Variants in PCLO observed in about 807,000 individuals in gnomAD.
PCLO encodes the protein protein piccolo.
In PCLO, 82 loss-of-function variants were observed where a neutral mutation model predicts 427.5. The ratio of observed to expected loss-of-function variants is 0.19; its 90% confidence interval spans 0.16 to 0.23. The LOEUF is 0.23. Among genes scored for constraint, PCLO ranks in the 10% least tolerant of loss-of-function variants. PCLO has a pLI of 1.00. For synonymous variants in PCLO, 2,357 were observed against 2,155.4 expected, an observed-to-expected ratio of 1.09 and a Z score of -2.59; for missense variants, 6,239 against 6,115.9, an observed-to-expected ratio of 1.02 and a Z score of -0.67.
chr7:82,843,814 G>A lies in PCLO; in HGVS notation c.14046+1457C>T, dbSNP rs572673183. Reference sequence around the variant, plus strand: ...TGAGCAGCTGGGACTACAGGCATGTGCCACCAGACCTGGCTAATTTTTGTA... The same window carrying A: ...TGAGCAGCTGGGACTACAGGCATGTACCACCAGACCTGGCTAATTTTTGTA... On this transcript the variant is annotated intron_variant, in intron 13 of 24. Coordinates refer to ENST00000333891, the MANE Select transcript of PCLO (RefSeq NM_033026.6). Among the ~76,000 whole-genome samples the A allele has an allele frequency of 3.3e-5, 5 of 151,878 alleles. No individual in the cohort carries two copies. In the East Asian group the frequency reaches 9.7e-4, roughly 30 times the overall value.
At chr7:83,068,574 G>T (rs906564962) in intron 3 of PCLO, among the ~76,000 whole-genome samples, 1 of 151,950 alleles carries the variant, frequency 6.6e-6, no homozygotes, top group African/African-American at 2.4e-5. Flanking sequence ...TCAAAATTAC[G>T]AATAAGATAT....
At chr7:83,069,453 T>C (rs1312448216) in intron 3 of PCLO, among the ~76,000 whole-genome samples, 2 of 152,310 alleles carry the variant, frequency 1.3e-5, no homozygotes, top group South Asian at 2.1e-4. Context: ...GTTGTATACC[T>C]TGAATATATT....
At position 83,134,670 on chromosome 7, in the gene PCLO, T is replaced by C. The variant is rs1584070297; in HGVS notation, c.2880A>G (p.Pro960=). The part of the protein sequence containing the change: ...GQPGPHSQSG[P]GAPMKQAPAP... ...CAGGGGCTTGTTTCATTGGGGCCCCTGGTCCACTTTGTGAATGAGGTCCAG... is the reference window on the plus strand; with the variant it reads ...CAGGGGCTTGTTTCATTGGGGCCCCCGGTCCACTTTGTGAATGAGGTCCAG... The change falls in exon 3 of 25, where the codon CCA becomes CCG. Residue 960 remains proline (P), a synonymous_variant. Transcript: ENST00000333891. The C allele has an allele frequency of 6.2e-7, 1 of 1,613,772 alleles. No homozygotes were observed. Among genetic ancestry groups the C allele is most frequent in the African/African-American group, 1.3e-5 (1 of 75,006 alleles).
intron 9 of PCLO, among the ~76,000 whole-genome samples, chr7:82,890,300 T>A (rs1793727536): frequency 6.6e-6 from 1 of 152,036 alleles, no homozygotes; most frequent in Admixed American, 6.6e-5. Flanking sequence ...TTTGTACACG[T>A]AAATATATGT....
chr7:82,792,541 T>G (rs1791125970), intron 22 of PCLO, among the ~76,000 whole-genome samples: 1 of 152,032 alleles, frequency 6.6e-6, no homozygotes, highest in Admixed American at 6.6e-5. Context: ...TTGCCTAGGC[T>G]TCTCTTGAAC....
Position 82,824,352 on chromosome 7 carries a change from T to A in PCLO, c.14480A>T (p.Glu4827Val). 1 of 1,613,182 alleles carries A rather than the reference T, an allele frequency of 6.2e-7. No individual in the cohort carries two copies. The highest frequency in any genetic ancestry group is 8.5e-7 in the Non-Finnish European group (1 of 1,179,366). ...DNTPRWYPLK[E>V]QTESIDHGKS... ...GCCATGATCAATGCTTTCAGTCTGT[T>A]CTTTGAGAGGATACCACCTTGGAGT... Residue 4827 changes from glutamate (E) to valine (V), a missense_variant, in exon 19 of 25, where the codon GAA becomes GTA. This residue lies in a region of PCLO where 877 missense variants were observed against 925.5 expected (regional missense o/e 0.95). Transcript: ENST00000333891.
chr7:82,861,454 T>C (rs1365960299), intron 10 of PCLO, among the ~76,000 whole-genome samples: 1 of 152,018 alleles, frequency 6.6e-6, no homozygotes, highest in African/African-American at 2.4e-5. Flanking sequence ...AATATAACAA[T>C]TGTAAATATA....
intron 9 of PCLO, among the ~76,000 whole-genome samples, chr7:82,892,755 TG>T (rs1015941886): frequency 1.8e-4 from 28 of 151,528 alleles, no homozygotes; most frequent in Non-Finnish European, 3.7e-4. Flanking sequence ...CATCAACAAG[TG>T]GGGGAAGGAT....
chr7:83,021,781 C>T (rs1332106672), intron 3 of PCLO, among the ~76,000 whole-genome samples: 1 of 152,010 alleles, frequency 6.6e-6, no homozygotes, highest in Non-Finnish European at 1.5e-5. Flanking sequence ...ATTTAATCTT[C>T]CCTGAGTTCA....
intron 3 of PCLO, among the ~76,000 whole-genome samples, chr7:83,021,202 G>A (rs1238740969): frequency 2.6e-5 from 4 of 152,086 alleles, no homozygotes; most frequent in Non-Finnish European, 5.9e-5. Context: ...GAACTCCTCA[G>A]GAGGATAATT....
At chr7:83,156,824 T>C (rs1022388303) in intron 1 of PCLO, among the ~76,000 whole-genome samples, 3 of 152,082 alleles carry the variant, frequency 2.0e-5, no homozygotes, top group Non-Finnish European at 4.4e-5. Context: ...TCAAAAGTTA[T>C]GGTCTTTTGA....
rs531340165 is a variant in PCLO at position 83,006,727 on chromosome 7, T to C, written c.3301-40240A>G. 2.0e-5 allele frequency among the ~76,000 whole-genome samples: 3 copies of C among 151,552 alleles called. No homozygotes were observed. The East Asian group carries it at 5.8e-4, about 29-fold the overall frequency. ...ATGGATCATACTTTATAGATGGAAATTCCTACAAGTTACAAAAAAGTCTCT... is the reference window on the plus strand; with the variant it reads ...ATGGATCATACTTTATAGATGGAAACTCCTACAAGTTACAAAAAAGTCTCT... On this transcript the variant is annotated intron_variant, in intron 3 of 24. Transcript: ENST00000333891.
chr7:83,034,819 T>G (rs1788755720), intron 3 of PCLO, among the ~76,000 whole-genome samples: 1 of 152,178 alleles, frequency 6.6e-6, no homozygotes, highest in Non-Finnish European at 1.5e-5. Flanking sequence ...GTTCATTGAT[T>G]CTATTTGCAA....
Position 82,914,712 on chromosome 7 carries a change from A to G in PCLO, c.13274T>C (p.Phe4425Ser). ...TTCACTGTCTGACATGGCATGTTGG[A>G]AGTCATCCATGATGAATGCTATGTC... ...DRDIAFIMDD[F>S]QHAMSDSEAY... Residue 4425 changes from phenylalanine (F) to serine (S), a missense_variant, in exon 7 of 25, where the codon TTC (phenylalanine) becomes TCC (serine). This residue lies in a region of PCLO where 877 missense variants were observed against 925.5 expected (regional missense o/e 0.95). Transcript: ENST00000333891. 1 of 1,613,140 alleles carries G rather than the reference A, an allele frequency of 6.2e-7. No homozygotes were observed. Among genetic ancestry groups the G allele is most frequent in the Non-Finnish European group, 8.5e-7 (1 of 1,179,560 alleles).
chr7:83,084,270 A>G, intron 3 of PCLO, among the ~76,000 whole-genome samples: 1 of 152,236 alleles, frequency 6.6e-6, no homozygotes, highest in Middle Eastern at 3.4e-3. Flanking sequence ...CCTATTTAAA[A>G]AAAAAAGAAT....
chr7:83,021,638 T>C (rs1157703249), intron 3 of PCLO, among the ~76,000 whole-genome samples: 4 of 152,154 alleles, frequency 2.6e-5, no homozygotes, highest in Non-Finnish European at 5.9e-5. Flanking sequence ...TACCAGCATA[T>C]AGAAATAAAA....
chr7:83,162,187 C>T (rs2116712699), intron 1 of PCLO, among the ~76,000 whole-genome samples, 158 bp downstream of exon 1: 1 of 152,362 alleles, frequency 6.6e-6, no homozygotes, highest in South Asian at 2.1e-4. Flanking sequence ...TTCCGCCCAT[C>T]ACAAGGCTTA....
chr7:83,083,425 T>G (rs1790153723), intron 3 of PCLO, among the ~76,000 whole-genome samples: 1 of 151,970 alleles, frequency 6.6e-6, no homozygotes, highest in South Asian at 2.1e-4. Context: ...AAATTTTAGC[T>G]TTTTTTATTT....
chr7:83,006,667 T>A (rs1787953393), intron 3 of PCLO, among the ~76,000 whole-genome samples: 1 of 151,522 alleles, frequency 6.6e-6, no homozygotes, highest in African/African-American at 2.4e-5. Context: ...CTAAGAATAG[T>A]GTTGTATACT....
Sources: allele counts gnomAD v4.1 joint callset (sites outside exome capture counted in the v4.1 genomes callset), GRCh38; gene constraint gnomAD v4.1.1; regional missense constraint gnomAD v4.1.1; transcripts MANE v1.5; gene names NCBI Gene and HGNC (gene_info 2026-07-23, HGNC 2026-07-21).